The following NCOA7 variants were observed in gnomAD, a reference collection of about 807,000 sequenced individuals.
The protein encoded by NCOA7 is 140 kDa estrogen receptor-associated protein.
A neutral mutation model predicts 104.3 loss-of-function variants in NCOA7; 45 were observed. That is an observed-to-expected ratio of 0.43 (90% confidence interval 0.34 to 0.55). The LOEUF (loss-of-function observed/expected upper bound fraction) is 0.55, where lower values mean the gene tolerates loss of function less well. Among genes scored for constraint, NCOA7 ranks in the 20% least tolerant of loss-of-function variants. The pLI is 0.02. For missense variants in NCOA7, 1,041 were observed against 1,119.7 expected (o/e 0.93, Z 1.00); for synonymous variants, 398 against 402.3 (o/e 0.99, Z 0.13).
chr6:125,787,016 A>G (rs1268075), upstream of NCOA7, among the ~76,000 whole-genome samples: 149,756 of 151,898 alleles, frequency 0.99, 73,835 homozygotes, highest in Middle Eastern at 1. Context: ...GTGTGGTGGT[A>G]CATGACTGTA....
chr6:125,821,965 T>C (rs1489276332), intron 2 of NCOA7, among the ~76,000 whole-genome samples: 5 of 152,214 alleles, frequency 3.3e-5, no homozygotes, highest in African/African-American at 1.2e-4. Flanking sequence ...AGTGTTATGC[T>C]CCTTGTCTCC....
intron 7 of NCOA7, 97 bp downstream of exon 7, chr6:125,882,648 A>C (rs1473540441): frequency 7.0e-7 from 1 of 1,428,172 alleles, no homozygotes; most frequent in African/African-American, 1.4e-5. Context: ...AAAAGATCTT[A>C]CCCAAAGTGT....
At chr6:125,912,551 C>T (rs1034993676) in intron 10 of NCOA7, among the ~76,000 whole-genome samples, 1 of 152,118 alleles carries the variant, frequency 6.6e-6, no homozygotes, top group South Asian at 2.1e-4. Context: ...TGGGGGCCCA[C>T]GGTATTTATT....
At position 125,885,271 on chromosome 6, in the gene NCOA7, C is replaced by G. The variant is rs1267124337; in HGVS notation, c.812C>G (p.Pro271Arg). 1 of 1,613,882 alleles carries G rather than the reference C, an allele frequency of 6.2e-7. No individual in the cohort carries two copies. The highest frequency in any genetic ancestry group is 1.3e-5 in the African/African-American group (1 of 74,894). ...NGCEEYGLICPMEEVVSIALY... is the reference protein window; with the variant it reads ...NGCEEYGLICRMEEVVSIALY... ...TGTGAGGAGTATGGTCTCATCTGCC[C>G]CATGGAAGAGGTTGTTTCCATTGCG... The change falls in exon 8 of 16, where the codon CCC (proline) becomes CGC (arginine). Residue 271 changes from proline to arginine, a missense_variant. Physicochemically the swap from Pro to Arg is moderately radical, Grantham distance 103. Around this residue, in one of 2 missense-constraint regions of NCOA7, gnomAD observed 914 missense variants for 942.7 expected, o/e 0.97. Transcript: ENST00000392477.
In NCOA7 at chr6:125,922,858, G is replaced by T. The variant is rs768627438; in HGVS notation, c.2523+24G>T. 10 of 1,602,994 alleles carry T rather than the reference G, an allele frequency of 6.2e-6. 1 individual carries two copies. In the South Asian group the frequency reaches 1.0e-4, roughly 16 times the overall value. On this transcript the variant is annotated intron_variant, in intron 13 of 15. Coordinates refer to ENST00000392477, the MANE Select transcript of NCOA7 (RefSeq NM_181782.5). ...AGGTGAGGCCTGTCCCTCTCATAAAGAATATTTTTTAATAATTTTTCAAAA... is the reference window on the plus strand; with the variant it reads ...AGGTGAGGCCTGTCCCTCTCATAAATAATATTTTTTAATAATTTTTCAAAA...
intron 1 of NCOA7, among the ~76,000 whole-genome samples, chr6:125,796,106 C>G (rs146081822): frequency 6.6e-6 from 1 of 152,072 alleles, no homozygotes; most frequent in Admixed American, 6.5e-5. Flanking sequence ...CCTTGAGATT[C>G]TGTAAACTCA....
At chr6:125,783,606 C>T (rs183223451) in intron 1 of NCOA7, among the ~76,000 whole-genome samples, 9 of 152,222 alleles carry the variant, frequency 5.9e-5, no homozygotes, top group East Asian at 5.8e-4. Flanking sequence ...AAACCTAAAT[C>T]GTCCCAAATT....
chr6:125,840,868 G>T (rs112569154), intron 2 of NCOA7, among the ~76,000 whole-genome samples: 2,109 of 40,372 alleles, frequency 0.052, 70 homozygotes, highest in African/African-American at 0.19. Flanking sequence ...TGTTTGGTTG[G>T]TTTTTTTTTT....
rs1427473166 is a variant in NCOA7, at chr6:125,885,165, G to T, written c.706G>T (p.Val236Phe). The change falls in exon 8 of 16, where the codon GTT (valine) becomes TTT (phenylalanine). Residue 236 changes from valine to phenylalanine, a missense_variant. Physicochemically the swap from Val to Phe is conservative, Grantham distance 50. Coordinates refer to ENST00000392477, the MANE Select transcript of NCOA7 (RefSeq NM_181782.5). ...CTGTTGCTTTCTCCTGCAGGGTGTG[G>T]TTGGCGGTGTTATGATAGTGACTCC... ...CRYFTDGKGV[V>F]GGVMIVTPNN... The T allele has an allele frequency of 1.2e-6, 2 of 1,613,938 alleles. No individual in the cohort carries two copies. Among genetic ancestry groups the T allele is most frequent in the South Asian group, 2.2e-5 (2 of 91,060 alleles).
intron 11 of NCOA7, 118 bp from the exon 12 acceptor site, chr6:125,920,825 T>C (rs761792769): frequency 2.1e-4 from 280 of 1,333,214 alleles, no homozygotes; most frequent in Non-Finnish European, 2.7e-4. Flanking sequence ...GTTCAGTTGA[T>C]TTCCTGCTGC....
At chr6:125,891,835 C>T (rs190256148) in intron 10 of NCOA7, among the ~76,000 whole-genome samples, 1 of 152,208 alleles carries the variant, frequency 6.6e-6, no homozygotes, top group African/African-American at 2.4e-5. Flanking sequence ...CCACATTAAC[C>T]CAGGCATTAA....
chr6:125,834,416 A>C (rs1363637993), intron 2 of NCOA7, among the ~76,000 whole-genome samples: 2 of 152,174 alleles, frequency 1.3e-5, no homozygotes, highest in Non-Finnish European at 2.9e-5. Context: ...TTAGTTGTTT[A>C]TTGTTATAGA....
At position 125,881,956 on chromosome 6, in the gene NCOA7, C is replaced by T. The variant is rs558956037; in HGVS notation, c.574-470C>T. ...GCAACCTCCGCCTCCTAGTTTCAAG[C>T]GATTCTCCTGCCTCAGCCTCCTAAG... On this transcript the variant is annotated intron_variant, in intron 6 of 15. Coordinates refer to ENST00000392477, the MANE Select transcript of NCOA7 (RefSeq NM_181782.5). 1.2e-4 allele frequency among the ~76,000 whole-genome samples: 19 copies of T among 152,204 alleles called. No individual in the cohort carries two copies. In the South Asian group the frequency reaches 3.1e-3, roughly 25 times the overall value.
chr6:125,848,983 C>G (rs1456555155), intron 2 of NCOA7, among the ~76,000 whole-genome samples: 1 of 152,092 alleles, frequency 6.6e-6, no homozygotes, highest in Non-Finnish European at 1.5e-5. Context: ...TGGAAAAATT[C>G]AGAAGATTAA....
At chr6:125,792,293 T>A (rs1774931349) in intron 1 of NCOA7, among the ~76,000 whole-genome samples, 1 of 152,224 alleles carries the variant, frequency 6.6e-6, no homozygotes, top group Non-Finnish European at 1.5e-5. Context: ...TTCTGACATC[T>A]TTAGGACCAT....
At chr6:125,895,845 G>A (rs368544808) in intron 10 of NCOA7, among the ~76,000 whole-genome samples, 5 of 151,868 alleles carry the variant, frequency 3.3e-5, no homozygotes, top group South Asian at 2.1e-4. Flanking sequence ...CTGCCCCCAC[G>A]ACCCAAACAC....
intron 10 of NCOA7, among the ~76,000 whole-genome samples, chr6:125,906,036 C>G (rs981294243): frequency 6.6e-6 from 1 of 152,098 alleles, no homozygotes; most frequent in African/African-American, 2.4e-5. Context: ...CTCCTGGCCT[C>G]AAGCAGTCCT....
intron 2 of NCOA7, among the ~76,000 whole-genome samples, chr6:125,849,443 C>T (rs1380785143): frequency 6.6e-6 from 1 of 152,180 alleles, no homozygotes; most frequent in African/African-American, 2.4e-5. Context: ...CTTGGGGAAG[C>T]CCATAGCGTA....
intron 3 of NCOA7, among the ~76,000 whole-genome samples, chr6:125,870,689 G>A (rs1198656977): frequency 6.6e-6 from 1 of 152,096 alleles, no homozygotes; most frequent in African/African-American, 2.4e-5. Context: ...TCTTCTTTTA[G>A]CCCCAGTTCA....
Sources: allele counts gnomAD v4.1 joint callset (sites outside exome capture counted in the v4.1 genomes callset), GRCh38; gene constraint gnomAD v4.1.1; regional missense constraint gnomAD v4.1.1; transcripts MANE v1.5; gene names NCBI Gene and HGNC (gene_info 2026-07-23, HGNC 2026-07-21).